Variants in FILIP1L observed in about 807,000 individuals in gnomAD.
The protein encoded by FILIP1L is filamin A-interacting protein 1-like.
In FILIP1L, 55 loss-of-function variants were observed where a neutral mutation model predicts 96.6. The observed-to-expected ratio is 0.57, with a 90% CI of 0.46 to 0.71. The LOEUF is 0.71. Among genes scored for constraint, FILIP1L ranks in the 30% least tolerant of loss-of-function variants. FILIP1L has a pLI of 0.00. For missense variants in FILIP1L, 1,304 were observed against 1,321.2 expected (o/e 0.99, Z 0.20); for synonymous variants, 467 against 473.9 (o/e 0.99, Z 0.19).
chr3:99,984,926 C>T (rs946140760), intron 1 of FILIP1L, among the ~76,000 whole-genome samples: 34 of 152,034 alleles, frequency 2.2e-4, no homozygotes, highest in African/African-American at 7.7e-4. Context: ...AACTGGAATT[C>T]CCAGGTTAAA....
chr3:99,835,643 T>C (rs1204452728), intron 5 of FILIP1L, among the ~76,000 whole-genome samples: 1 of 152,232 alleles, frequency 6.6e-6, no homozygotes. Context: ...TATGTGATTC[T>C]GATGAAGGTG....
At chr3:100,034,256 A>G (rs1261949962) in intron 1 of FILIP1L, among the ~76,000 whole-genome samples, 1 of 152,172 alleles carries the variant, frequency 6.6e-6, no homozygotes, top group Non-Finnish European at 1.5e-5. Context: ...GGGGGGAAAA[A>G]GCTGCAGCCA....
intron 1 of FILIP1L, among the ~76,000 whole-genome samples, chr3:100,000,112 A>G: frequency 6.6e-6 from 1 of 152,198 alleles, no homozygotes; most frequent in South Asian, 2.1e-4. Context: ...GACTGGAAAC[A>G]CTGGCCTAGA....
chr3:100,064,152 C>A (rs2107352572), intron 1 of FILIP1L, among the ~76,000 whole-genome samples: 1 of 152,292 alleles, frequency 6.6e-6, no homozygotes, highest in Non-Finnish European at 1.5e-5. Flanking sequence ...TGCTGTAAAC[C>A]TTCAAGGGCT....
In FILIP1L at chr3:99,918,193, G is replaced by T. The variant is rs9852857; in HGVS notation, c.605+6037C>A. Among the ~76,000 whole-genome samples the T allele has an allele frequency of 5.0e-3, 764 of 152,164 alleles. 6 individuals carry two copies. The highest frequency in any genetic ancestry group is 0.017 in the African/African-American group (721 of 41,492). On this transcript the variant is annotated intron_variant, in intron 4 of 5. Coordinates refer to ENST00000477258, the MANE Select transcript of FILIP1L (RefSeq NM_001387850.1). Reference sequence around the variant, plus strand: ...GGGTTTCACCATTTTGGCCAGGCTGGTCTCGAACCCTTGACCTCATTATCT... The same window carrying T: ...GGGTTTCACCATTTTGGCCAGGCTGTTCTCGAACCCTTGACCTCATTATCT...
At chr3:100,063,268 C>T (rs2065605143) in intron 1 of FILIP1L, among the ~76,000 whole-genome samples, 1 of 152,092 alleles carries the variant, frequency 6.6e-6, no homozygotes, top group Non-Finnish European at 1.5e-5. Flanking sequence ...TTTTTCCTTT[C>T]TCCTCAGTTT....
chr3:100,010,051 AT>A (rs1417008357), intron 1 of FILIP1L: 2 of 250,702 alleles, frequency 8.0e-6, no homozygotes, highest in Non-Finnish European at 1.3e-5. Flanking sequence ...TATCTACCAT[AT>A]GTTTTACAGA....
At chr3:100,006,774 A>T (rs1005683472) in intron 1 of FILIP1L, among the ~76,000 whole-genome samples, 7 of 152,214 alleles carry the variant, frequency 4.6e-5, no homozygotes, top group Non-Finnish European at 7.4e-5. Context: ...GAATCAGATA[A>T]GTAAATTAAT....
intron 1 of FILIP1L, among the ~76,000 whole-genome samples, chr3:100,080,654 C>T (rs550037797): frequency 6.6e-6 from 1 of 152,264 alleles, no homozygotes; most frequent in Admixed American, 6.5e-5. Context: ...TAGCAAGAGG[C>T]AGTGGGGATG....
At chr3:99,870,425 T>G (rs1944730922) in intron 4 of FILIP1L, among the ~76,000 whole-genome samples, 2 of 152,230 alleles carry the variant, frequency 1.3e-5, no homozygotes, top group South Asian at 4.1e-4. Context: ...AGTTTTTATG[T>G]GTAGCTGATC....
At chr3:99,910,889 A>G (rs1227547062) in intron 4 of FILIP1L, among the ~76,000 whole-genome samples, 2 of 152,184 alleles carry the variant, frequency 1.3e-5, no homozygotes. Context: ...AAAGGCAGTT[A>G]TATTCTCTAA....
intron 4 of FILIP1L, among the ~76,000 whole-genome samples, chr3:99,877,393 AGTT>A: frequency 6.6e-6 from 1 of 152,248 alleles, no homozygotes; most frequent in South Asian, 2.1e-4. Context: ...ATGTTTGCAG[AGTT>A]GTTAGTGGAA....
intron 1 of FILIP1L, among the ~76,000 whole-genome samples, chr3:100,049,024 A>G (rs2065325104): frequency 6.6e-6 from 1 of 152,216 alleles, no homozygotes; most frequent in Non-Finnish European, 1.5e-5. Context: ...GAGTATAGCA[A>G]ACAAAAGGGC....
At chr3:100,028,512 G>C (rs1412568860) in intron 1 of FILIP1L, among the ~76,000 whole-genome samples, 1 of 152,048 alleles carries the variant, frequency 6.6e-6, no homozygotes, top group African/African-American at 2.4e-5. Context: ...ATTCACGTTG[G>C]AGAATAGGCC....
At chr3:100,024,505 A>G (rs956355660) in intron 1 of FILIP1L, among the ~76,000 whole-genome samples, 14 of 152,092 alleles carry the variant, frequency 9.2e-5, no homozygotes, top group African/African-American at 3.4e-4. Flanking sequence ...GTCTCCTTAG[A>G]CTATTCAATG....
chr3:99,907,738 C>T (rs892003376), intron 4 of FILIP1L, among the ~76,000 whole-genome samples: 2 of 151,998 alleles, frequency 1.3e-5, no homozygotes, highest in Non-Finnish European at 2.9e-5. Flanking sequence ...TTTGTGTTCC[C>T]TTCTCTTTTT....
chr3:99,915,171 C>G (rs559142271), intron 4 of FILIP1L, among the ~76,000 whole-genome samples: 39 of 152,186 alleles, frequency 2.6e-4, no homozygotes, highest in African/African-American at 9.4e-4. Flanking sequence ...GTCTTATATC[C>G]CATTCTCCCA....
At position 99,952,691 on chromosome 3, in the gene FILIP1L, A is replaced by G. The variant is rs146049931; in HGVS notation, c.-10-21661T>C. Among the ~76,000 whole-genome samples the G allele has an allele frequency of 1.4e-3, 219 of 152,328 alleles. No homozygotes were observed. In the East Asian group the frequency reaches 0.038, roughly 26 times the overall value. On this transcript the variant is annotated intron_variant, in intron 1 of 5. Transcript: ENST00000477258. ...AGCATGAATTTCCTCTTTCTACCCTATATTTTTAAATAATATCTATAGTTT... is the reference window on the plus strand; with the variant it reads ...AGCATGAATTTCCTCTTTCTACCCTGTATTTTTAAATAATATCTATAGTTT...
At chr3:100,026,971 G>A (rs1336467893) in intron 1 of FILIP1L, among the ~76,000 whole-genome samples, 2 of 152,112 alleles carry the variant, frequency 1.3e-5, no homozygotes, top group African/African-American at 4.8e-5. Flanking sequence ...CCTCCTGTCT[G>A]TTCCTCACAT....
Sources: gnomAD v4.1 joint callset for allele counts (sites outside exome capture counted in the v4.1 genomes callset) on GRCh38, gnomAD v4.1.1 for gene constraint, MANE v1.5 for transcripts, NCBI Gene and HGNC (gene_info 2026-07-23, HGNC 2026-07-21) for gene names.